SRGAP1: variants seen among roughly 807,000 people sequenced by gnomAD.
SRGAP1 encodes the protein SLIT-ROBO Rho GTPase activating protein 1.
Under a neutral mutation model 121.9 loss-of-function variants are expected in SRGAP1, and 43 were observed. The observed-to-expected ratio is 0.35, with a 90% CI of 0.28 to 0.46. SRGAP1 has a LOEUF of 0.46. SRGAP1 is among the 20% of genes least tolerant of loss of function. The pLI is 1.00. For missense variants in SRGAP1, 1,102 were observed against 1,350.9 expected, an observed-to-expected ratio of 0.82 and a Z score of 2.89; for synonymous variants, 447 against 485.4, an observed-to-expected ratio of 0.92 and a Z score of 1.04.
At chr12:64,108,125 A>C (rs1314045686) in intron 15 of SRGAP1, among the ~76,000 whole-genome samples, 1 of 152,224 alleles carries the variant, frequency 6.6e-6, no homozygotes, top group Non-Finnish European at 1.5e-5. Flanking sequence ...AGCAAGTGTG[A>C]AAATGTGTTT....
At chr12:63,953,016 G>A (rs141038716) in intron 1 of SRGAP1, among the ~76,000 whole-genome samples, 2 of 152,238 alleles carry the variant, frequency 1.3e-5, no homozygotes, top group African/African-American at 2.4e-5. Flanking sequence ...TTGAAAGCAG[G>A]TATTGTTCCC....
At chr12:64,056,155 A>G (rs952736842) in intron 6 of SRGAP1, among the ~76,000 whole-genome samples, 2 of 152,168 alleles carry the variant, frequency 1.3e-5, no homozygotes, top group African/African-American at 2.4e-5. Flanking sequence ...TAAATTCATC[A>G]GCAAATCCTG....
intron 1 of SRGAP1, among the ~76,000 whole-genome samples, chr12:63,890,870 C>G (rs1365711375): frequency 2.6e-5 from 4 of 152,220 alleles, no homozygotes; most frequent in Non-Finnish European, 5.9e-5. Flanking sequence ...TGACCCTCTT[C>G]ACAGACTGTT....
intron 1 of SRGAP1, among the ~76,000 whole-genome samples, chr12:63,974,311 C>A (rs2033035732): frequency 6.6e-6 from 1 of 151,964 alleles, no homozygotes. Context: ...ATTTGGCTTT[C>A]AAAAGCTATG....
At chr12:64,032,471 G>C (rs1398296977) in intron 4 of SRGAP1, 2 of 935,832 alleles carry the variant, frequency 2.1e-6, no homozygotes, top group Non-Finnish European at 3.4e-6. Context: ...ATTGCTTTGT[G>C]GGTCAGAAGA....
intron 21 of SRGAP1, among the ~76,000 whole-genome samples, chr12:64,131,271 G>C (rs1050309636): frequency 1.3e-5 from 2 of 152,206 alleles, no homozygotes; most frequent in Non-Finnish European, 2.9e-5. Flanking sequence ...ACCACTCAGA[G>C]AGGTCCATCC....
At position 64,080,311 on chromosome 12, in the gene SRGAP1, G is replaced by C. The variant is rs559431320; in HGVS notation, c.1349G>C (p.Ser450Thr). 1.4e-5 allele frequency: 22 copies of C among 1,613,748 alleles called. No individual in the cohort carries two copies. In the African/African-American group the frequency reaches 2.9e-4, roughly 22 times the overall value. Residue 450 changes from serine to threonine, a missense_variant, in exon 10 of 22, where the codon AGT becomes ACT. This residue lies in a region of SRGAP1 where 747 missense variants were observed against 929.4 expected (regional missense o/e 0.80). Coordinates refer to ENST00000355086, the MANE Select transcript of SRGAP1 (RefSeq NM_020762.4). Reference sequence around the variant, plus strand: ...AAACTCAGAGAATATTTGGAAGGCAGTAATCTCATCACAAAACTTCAAGCC... The same window carrying C: ...AAACTCAGAGAATATTTGGAAGGCACTAATCTCATCACAAAACTTCAAGCC... Reference protein sequence around the residue: ...FMKLREYLEGSNLITKLQAKH... With the variant: ...FMKLREYLEGTNLITKLQAKH...
rs1037650343 is a variant in SRGAP1, at chr12:64,004,374, G to C, written c.427-12576G>C. Among the ~76,000 whole-genome samples the C allele has an allele frequency of 2.6e-5, 4 of 151,988 alleles. No homozygotes were observed. In the East Asian group the frequency reaches 7.7e-4, roughly 29 times the overall value. On this transcript the variant is annotated intron_variant, in intron 3 of 21. Transcript: ENST00000355086. ...ATATTCTTTTTTTGTTTTTGTGTTT[G>C]TTTTTGTTTTTCACTTGAGACAGAG...
chr12:64,037,241 T>C (rs561968734), intron 4 of SRGAP1, among the ~76,000 whole-genome samples: 2 of 151,988 alleles, frequency 1.3e-5, no homozygotes, highest in Admixed American at 6.6e-5. Context: ...TGACTCAGAG[T>C]GGTACACAAA....
chr12:64,089,415 G>T (rs939197479), intron 11 of SRGAP1, among the ~76,000 whole-genome samples: 2 of 152,202 alleles, frequency 1.3e-5, no homozygotes, highest in Non-Finnish European at 2.9e-5. Flanking sequence ...CCTCCCTGGT[G>T]GTGGGGCACA....
intron 1 of SRGAP1, among the ~76,000 whole-genome samples, chr12:63,874,849 G>T (rs1054848237): frequency 6.6e-6 from 1 of 152,008 alleles, no homozygotes; most frequent in African/African-American, 2.4e-5. Context: ...CACTCTAATT[G>T]TAATTAATTG....
chr12:63,900,136 C>T (rs1900887284), intron 1 of SRGAP1, among the ~76,000 whole-genome samples: 1 of 151,512 alleles, frequency 6.6e-6, no homozygotes, highest in Non-Finnish European at 1.5e-5. Flanking sequence ...AACAGCTTTG[C>T]AGTTATGAAC....
intron 10 of SRGAP1, chr12:64,081,589 A>G (rs1461804868): frequency 1.3e-5 from 2 of 152,158 alleles, no homozygotes; most frequent in African/African-American, 4.8e-5. Flanking sequence ...AAAAAGCAAA[A>G]GTTATGAAAG....
Position 64,068,288 on chromosome 12 carries a change from AAAAAAAAAG to A in SRGAP1, c.1125+3070_1125+3078del, listed in dbSNP as rs934073517. Reference sequence around the variant, plus strand: ...ACTCTGTCTCAAAAAAAAAAAAAAAAAAAAAAAAGTAGTAGGCACCACCTGCAACAGACC... The same window carrying A: ...ACTCTGTCTCAAAAAAAAAAAAAAAATAGTAGGCACCACCTGCAACAGACC... On this transcript the variant is annotated intron_variant, in intron 8 of 21. Coordinates refer to ENST00000355086, the MANE Select transcript of SRGAP1 (RefSeq NM_020762.4). Among the ~76,000 whole-genome samples, 46 of 111,968 alleles carry A rather than the reference AAAAAAAAAG, an allele frequency of 4.1e-4. No individual in the cohort carries two copies. The East Asian group carries it at 0.013, about 31-fold the overall frequency. The allele number at this position is 111,968 out of a possible 152,430, so 73.5% of individuals were successfully genotyped here.
chr12:63,941,493 A>C (rs1481383386), intron 1 of SRGAP1, among the ~76,000 whole-genome samples: 1 of 152,228 alleles, frequency 6.6e-6, no homozygotes, highest in South Asian at 2.1e-4. Flanking sequence ...TGCTGCATAC[A>C]TAAGAGGTGA....
At position 63,922,803 on chromosome 12, in the gene SRGAP1, A is replaced by C. The variant is rs932142773; in HGVS notation, c.68-61144A>C. Among the ~76,000 whole-genome samples the C allele has an allele frequency of 2.0e-5, 3 of 152,222 alleles. No homozygotes were observed. In the South Asian group the frequency reaches 6.2e-4, roughly 32 times the overall value. ...ATTGCCATTTCTTTTTCGTATATTCATTTGTACAGAGTCTGGTGCAGAAGG... is the reference window on the plus strand; with the variant it reads ...ATTGCCATTTCTTTTTCGTATATTCCTTTGTACAGAGTCTGGTGCAGAAGG... On this transcript the variant is annotated intron_variant, in intron 1 of 21. Coordinates refer to ENST00000355086, the MANE Select transcript of SRGAP1 (RefSeq NM_020762.4).
At chr12:63,880,235 T>G (rs190293762) in intron 1 of SRGAP1, among the ~76,000 whole-genome samples, 1 of 152,164 alleles carries the variant, frequency 6.6e-6, no homozygotes, top group Admixed American at 6.5e-5. Context: ...CCGTTAAACC[T>G]CTTTTTCTTT....
At chr12:63,969,234 G>T (rs921384658) in intron 1 of SRGAP1, among the ~76,000 whole-genome samples, 1 of 151,886 alleles carries the variant, frequency 6.6e-6, no homozygotes, top group African/African-American at 2.4e-5. Flanking sequence ...TAGAATTAGG[G>T]AACTGTGAAA....
At chr12:64,120,651 AG>A (rs1212049111) in intron 18 of SRGAP1, among the ~76,000 whole-genome samples, 1 of 151,960 alleles carries the variant, frequency 6.6e-6, no homozygotes, top group Admixed American at 6.6e-5. Flanking sequence ...TCTGAAACTG[AG>A]GGTGTAATTC....
Sources: allele counts gnomAD v4.1 joint callset (sites outside exome capture counted in the v4.1 genomes callset), GRCh38; gene constraint gnomAD v4.1.1; regional missense constraint gnomAD v4.1.1; transcripts MANE v1.5; gene names NCBI Gene and HGNC (gene_info 2026-07-23, HGNC 2026-07-21).